ZMYM4: variants seen among roughly 807,000 people sequenced by gnomAD.
ZMYM4 encodes zinc finger MYM-type protein 4.
A neutral mutation model predicts 183.2 loss-of-function variants in ZMYM4; 31 were observed. That is an observed-to-expected ratio of 0.17 (90% CI 0.13 to 0.23). The LOEUF (loss-of-function observed/expected upper bound fraction) is 0.23. Ranked by LOEUF, ZMYM4 falls within the 10% of genes least tolerant of loss-of-function variation. The pLI is 1.00. For synonymous variants in ZMYM4, 592 were observed against 631.2 expected (o/e 0.94, Z 0.93); for missense variants, 1,273 against 1,840.3 (o/e 0.69, Z 5.64).
At chr1:35,362,192 A>G (rs1643953579) in intron 5 of ZMYM4, among the ~76,000 whole-genome samples, 1 of 152,158 alleles carries the variant, frequency 6.6e-6, no homozygotes, top group Admixed American at 6.5e-5. Context: ...ATTTTTCAGG[A>G]GGGGTTAATG....
At chr1:35,342,542 T>C (rs1362553150) in intron 2 of ZMYM4, among the ~76,000 whole-genome samples, 2 of 152,140 alleles carry the variant, frequency 1.3e-5, no homozygotes, top group African/African-American at 2.4e-5. Context: ...TGGTAACCAA[T>C]GGTGTTGAGC....
At chr1:35,310,946 T>A (rs768724894) in intron 1 of ZMYM4, among the ~76,000 whole-genome samples, 1 of 152,096 alleles carries the variant, frequency 6.6e-6, no homozygotes, top group African/African-American at 2.4e-5. Flanking sequence ...ATTTGGTGCA[T>A]ACTGGATTGA....
chr1:35,327,053 G>T (rs1002551715), intron 2 of ZMYM4, among the ~76,000 whole-genome samples: 1 of 152,096 alleles, frequency 6.6e-6, no homozygotes, highest in Non-Finnish European at 1.5e-5. Flanking sequence ...TAGAGATGGG[G>T]TTTTACCATG....
chr1:35,372,312 T>G (rs961113740), intron 7 of ZMYM4, among the ~76,000 whole-genome samples: 1 of 152,186 alleles, frequency 6.6e-6, no homozygotes, highest in Admixed American at 6.5e-5. Flanking sequence ...AGGGCTATTT[T>G]GAGTGATAGA....
intron 1 of ZMYM4, among the ~76,000 whole-genome samples, chr1:35,283,001 T>G (rs1362608119): frequency 1.9e-5 from 2 of 105,588 alleles, no homozygotes; most frequent in African/African-American, 7.0e-5. Flanking sequence ...TTTTTTTTTT[T>G]TTTTTTTTTT....
At position 35,398,853 on chromosome 1, in the gene ZMYM4, A is replaced by G. The variant is rs748017212; in HGVS notation, c.3254-11A>G. ...TATTTTGAGGGCTTAATTGTTATCT[A>G]TATATTTCAGACCAAGGAAGTACAT... On this transcript the variant is annotated splice_polypyrimidine_tract_variant and intron_variant, in intron 21 of 29. Transcript: ENST00000314607. The G allele has an allele frequency of 3.3e-5, 54 of 1,613,354 alleles. No individual in the cohort carries two copies. Among genetic ancestry groups the G allele is most frequent in the Middle Eastern group, 1.6e-4 (1 of 6,076 alleles).
chr1:35,288,002 C>G (rs1391684615), intron 1 of ZMYM4, among the ~76,000 whole-genome samples: 1 of 152,162 alleles, frequency 6.6e-6, no homozygotes, highest in Non-Finnish European at 1.5e-5. Flanking sequence ...TGTTATTCTT[C>G]ACATATTATC....
rs200366808 is a variant in ZMYM4, at chr1:35,381,369, C to T, written c.1292C>T (p.Pro431Leu). 13 of 1,612,462 alleles carry T rather than the reference C, an allele frequency of 8.1e-6. No individual in the cohort carries two copies. Among genetic ancestry groups the T allele is most frequent in the Non-Finnish European group, 1.0e-5 (12 of 1,179,386 alleles). Reference protein sequence around the residue: ...CLSTYELKKKPIVTINTNSIS... With the variant: ...CLSTYELKKKLIVTINTNSIS... ...TCAACATATGAACTGAAAAAAAAAC[C>T]TATTGTTACCATAAATACAAATAGT... The change falls in exon 8 of 30, where the codon CCT becomes CTT. Residue 431 changes from proline (P) to leucine (L), a missense_variant. Coordinates refer to ENST00000314607, the MANE Select transcript of ZMYM4 (RefSeq NM_005095.3).
rs561392067 is a variant in ZMYM4, at chr1:35,386,351, GAGGCCTCAGGAA to G, written c.1836+164_1836+175del. ...AGGCTGTACAGGTAGCATGGCTGGAGAGGCCTCAGGAAACTTTCAATTATGGCGGAAGGCGAA... is the reference window on the plus strand; with the variant it reads ...AGGCTGTACAGGTAGCATGGCTGGAGACTTTCAATTATGGCGGAAGGCGAA... On this transcript the variant is annotated intron_variant, in intron 11 of 29. Transcript: ENST00000314607. Among the ~76,000 whole-genome samples the G allele has an allele frequency of 3.2e-3, 491 of 152,306 alleles. 3 individuals are homozygous for G. Among genetic ancestry groups the G allele is most frequent in the African/African-American group, 0.011 (474 of 41,536 alleles).
Position 35,359,114 on chromosome 1 carries a change from A to G in ZMYM4, c.275A>G (p.Glu92Gly). 2 of 1,613,854 alleles carry G rather than the reference A, an allele frequency of 1.2e-6. No homozygotes were observed. The highest frequency in any genetic ancestry group is 1.7e-6 in the Non-Finnish European group (2 of 1,179,782). Reference protein sequence around the residue: ...IPVVGSDNEDEQDFSSKDNLV... With the variant: ...IPVVGSDNEDGQDFSSKDNLV... Reference sequence around the variant, plus strand: ...GTCGTTGGTAGTGACAATGAGGATGAACAGGATTTTAGTTCAAAGGACAAT... The same window carrying G: ...GTCGTTGGTAGTGACAATGAGGATGGACAGGATTTTAGTTCAAAGGACAAT... The change falls in exon 3 of 30, where the codon GAA (glutamate) becomes GGA (glycine). Residue 92 changes from glutamate to glycine, a missense_variant. Transcript: ENST00000314607.
intron 1 of ZMYM4, among the ~76,000 whole-genome samples, chr1:35,291,602 A>AT (rs1640763892): frequency 7.1e-6 from 1 of 140,160 alleles, no homozygotes; most frequent in South Asian, 2.3e-4. Context: ...AGCTACAGTT[A>AT]TTAGCAATAA....
intron 7 of ZMYM4, among the ~76,000 whole-genome samples, chr1:35,378,235 G>A (rs536395666): frequency 3.2e-4 from 49 of 152,122 alleles, no homozygotes; most frequent in African/African-American, 5.6e-4. Flanking sequence ...TCATCTGTGA[G>A]GATTGAAGTT....
intron 1 of ZMYM4, among the ~76,000 whole-genome samples, chr1:35,307,508 T>C (rs1437041867): frequency 5.3e-5 from 8 of 149,966 alleles, no homozygotes; most frequent in African/African-American, 1.9e-4. Flanking sequence ...AAAAAAAATT[T>C]TTAATTATTT....
chr1:35,346,987 A>G (rs1011585278), intron 2 of ZMYM4, among the ~76,000 whole-genome samples: 9 of 152,146 alleles, frequency 5.9e-5, no homozygotes, highest in Non-Finnish European at 1.0e-4. Context: ...AAAATTGTTT[A>G]ATTAGGACTT....
rs1239930675 is a variant in ZMYM4 at position 35,370,256 on chromosome 1, G to C, written c.926-116G>C. The C allele has an allele frequency of 5.5e-6, 8 of 1,446,274 alleles. No homozygotes were observed. The African/African-American group carries it at 1.0e-4, about 18-fold the overall frequency. The allele number at this position is 1,446,274 out of a possible 1,614,324, so 89.6% of individuals were successfully genotyped here. A position where few individuals can be genotyped will look rare whatever the true frequency, so the allele number is the denominator to read the frequency against. On this transcript the variant is annotated intron_variant, in intron 6 of 29. Coordinates refer to ENST00000314607, the MANE Select transcript of ZMYM4 (RefSeq NM_005095.3). ...ATTGTATATTGCATAATTACTGTTG[G>C]GTTTCAAGACTAGTTCTAGAAGAGA...
intron 2 of ZMYM4, chr1:35,351,021 G>A: frequency 1.1e-6 from 1 of 907,290 alleles, no homozygotes. Flanking sequence ...GCATTGTACT[G>A]GCCTGCTGCT....
intron 26 of ZMYM4, among the ~76,000 whole-genome samples, chr1:35,410,293 T>G (rs1213364083): frequency 6.6e-6 from 1 of 152,156 alleles, no homozygotes; most frequent in Admixed American, 6.5e-5. Context: ...TCAAGTCCTT[T>G]GCCTAATTTT....
chr1:35,341,809 T>G (rs551460998), intron 2 of ZMYM4, among the ~76,000 whole-genome samples: 1 of 152,146 alleles, frequency 6.6e-6, no homozygotes, highest in African/African-American at 2.4e-5. Flanking sequence ...TATTTTGTCA[T>G]TGGGGGCTGA....
chr1:35,379,512 A>G (rs1644406316), intron 7 of ZMYM4, among the ~76,000 whole-genome samples: 1 of 152,236 alleles, frequency 6.6e-6, no homozygotes, highest in African/African-American at 2.4e-5. Context: ...CTGGCATTAC[A>G]GGCGTGAGCC....
Sources: allele counts gnomAD v4.1 joint callset (sites outside exome capture counted in the v4.1 genomes callset), GRCh38; gene constraint gnomAD v4.1.1; transcripts MANE v1.5; gene names NCBI Gene and HGNC (gene_info 2026-07-23, HGNC 2026-07-21).